The following YTHDC1 variants were observed in gnomAD, a reference collection of about 807,000 sequenced individuals.
YTHDC1 encodes the protein YTH N6-methyladenosine RNA binding protein C1, also known as YTH domain-containing protein 1.
YTHDC1 carries 12 observed loss-of-function variants against 107.0 expected under a neutral mutation model. The observed-to-expected ratio is 0.11, with a 90% CI of 0.07 to 0.18. YTHDC1 has a LOEUF of 0.18. Among genes scored for constraint, YTHDC1 ranks in the 10% least tolerant of loss-of-function variants. YTHDC1 has a pLI of 1.00. For synonymous variants in YTHDC1, 280 were observed against 289.5 expected, an observed-to-expected ratio of 0.97 and a Z score of 0.33; for missense variants, 635 against 898.8, an observed-to-expected ratio of 0.71 and a Z score of 3.75.
At chr4:68,344,740 T>TA (rs1353896861) in intron 1 of YTHDC1, among the ~76,000 whole-genome samples, 2 of 152,062 alleles carry the variant, frequency 1.3e-5, no homozygotes, top group East Asian at 3.9e-4. Context: ...AACAAGGATA[T>TA]AAAAAGAGTA....
rs915643474 is a variant in YTHDC1 at position 68,310,658 on chromosome 4, T to A, written c.*3441A>T. 1 of 152,192 alleles carries A rather than the reference T, an allele frequency of 6.6e-6. No homozygotes were observed. The highest frequency in any genetic ancestry group is 1.5e-5 in the Non-Finnish European group (1 of 68,024). The allele number at this position is 152,192 out of a possible 1,614,324, so 9.4% of individuals were successfully genotyped here. ...GTGTGCCTCAATTTTAATATGTGTT[T>A]CAAACTGCATTTGGAATGTTTCCTA... On this transcript the variant is annotated 3_prime_UTR_variant, in exon 17 of 17. Transcript: ENST00000344157.
intron 10 of YTHDC1, 109 bp from the exon 11 acceptor site, chr4:68,323,024 G>A (rs1722600280): frequency 9.4e-7 from 1 of 1,066,436 alleles, no homozygotes; most frequent in East Asian, 2.5e-5. Context: ...TCTTCCCAAG[G>A]CTGATGATCA....
At chr4:68,323,583 C>T (rs1435974653) in intron 10 of YTHDC1, among the ~76,000 whole-genome samples, 1 of 151,964 alleles carries the variant, frequency 6.6e-6, no homozygotes, top group Non-Finnish European at 1.5e-5. Context: ...AAAAATTAGC[C>T]ACTCTCGTAA....
chr4:68,321,353 G>T (rs1469315173), intron 11 of YTHDC1, among the ~76,000 whole-genome samples: 1 of 152,142 alleles, frequency 6.6e-6, no homozygotes. Context: ...TTAAAAGCTG[G>T]TTTAAAAAAT....
rs181336818 is a variant in YTHDC1, at chr4:68,341,670, C to A, written c.29-3286G>T. On this transcript the variant is annotated intron_variant, in intron 1 of 16. Coordinates refer to ENST00000344157, the MANE Select transcript of YTHDC1 (RefSeq NM_001031732.4). Reference sequence around the variant, plus strand: ...GGCCCTTTACAAAGAGTTTTGCCAACCCCTGATATAATACAAATGACCAAA... The same window carrying A: ...GGCCCTTTACAAAGAGTTTTGCCAAACCCTGATATAATACAAATGACCAAA... Among the ~76,000 whole-genome samples the A allele has an allele frequency of 3.0e-3, 457 of 152,070 alleles. 2 individuals carry two copies. Among genetic ancestry groups the A allele is most frequent in the African/African-American group, 0.01 (435 of 41,474 alleles).
chr4:68,320,133 G>C lies in YTHDC1; in HGVS notation c.1674C>G (p.His558Gln). Residue 558 changes from histidine (H) to glutamine (Q), a missense_variant, in exon 12 of 17, where the codon CAC (histidine) becomes CAG (glutamine). This residue lies in a region of YTHDC1 where 256 missense variants were observed against 372.9 expected (regional missense o/e 0.69). Coordinates refer to ENST00000344157, the MANE Select transcript of YTHDC1 (RefSeq NM_001031732.4). ...TTATAAAATATTAACCTGGTCTCTG[G>C]TGAAACTCAGGGGGATAGTCAATCC... is the stretch of plus-strand genomic sequence containing the variant. ...KPRIDYPPEF[H>Q]QRPGYLKDPR... The C allele has an allele frequency of 6.2e-7, 1 of 1,602,288 alleles. No homozygotes were observed. The highest frequency in any genetic ancestry group is 8.5e-7 in the Non-Finnish European group (1 of 1,175,326).
intron 4 of YTHDC1, among the ~76,000 whole-genome samples, chr4:68,333,976 C>G (rs1723879748): frequency 6.6e-6 from 1 of 152,120 alleles, no homozygotes; most frequent in African/African-American, 2.4e-5. Flanking sequence ...GATTACTGCT[C>G]TTATTTTCAA....
chr4:68,318,255 C>T (rs1344784849), intron 15 of YTHDC1, among the ~76,000 whole-genome samples: 5 of 152,276 alleles, frequency 3.3e-5, no homozygotes. Flanking sequence ...CACGCCACCA[C>T]ACCCAGCTAA....
intron 15 of YTHDC1, 35 bp from the exon 16 acceptor site, chr4:68,316,483 C>T (rs773249063): frequency 6.3e-7 from 1 of 1,598,666 alleles, no homozygotes; most frequent in South Asian, 1.1e-5. Context: ...TAAGAATCTA[C>T]CAACACCCTT....
Position 68,310,845 on chromosome 4 carries a change from A to C in YTHDC1, c.*3254T>G, listed in dbSNP as rs149679852. 50 of 152,312 alleles carry C rather than the reference A, an allele frequency of 3.3e-4. 1 individual carries two copies. The highest frequency in any genetic ancestry group is 1.1e-3 in the African/African-American group (47 of 41,566). The allele number at this position is 152,312 out of a possible 1,614,324, so 9.4% of individuals were successfully genotyped here. A position where few individuals can be genotyped will look rare whatever the true frequency, so the allele number is the denominator to read the frequency against. On this transcript the variant is annotated 3_prime_UTR_variant, in exon 17 of 17. Transcript: ENST00000344157. ...GACTCTTAATGGTTAACATTATGAC[A>C]AGACAGGATGTATGTGACCCTCAGA...
chr4:68,340,576 T>C (rs1376149737), intron 1 of YTHDC1, among the ~76,000 whole-genome samples: 5 of 152,050 alleles, frequency 3.3e-5, no homozygotes, highest in African/African-American at 4.8e-5. Flanking sequence ...AATAGTCTGA[T>C]AGAAGTAAAT....
intron 10 of YTHDC1, among the ~76,000 whole-genome samples, chr4:68,323,571 A>T (rs139199930): frequency 1.3e-5 from 2 of 152,302 alleles, no homozygotes; most frequent in African/African-American, 4.8e-5. Flanking sequence ...GACCGAAAAT[A>T]CAAAAATTAG....
intron 1 of YTHDC1, among the ~76,000 whole-genome samples, chr4:68,341,770 G>C (rs1157718520): frequency 1.3e-5 from 2 of 152,066 alleles, no homozygotes; most frequent in Non-Finnish European, 1.5e-5. Context: ...GAAAAGTCTT[G>C]GAGGTTAAGG....
chr4:68,325,929 A>T (rs1560481792), intron 9 of YTHDC1, among the ~76,000 whole-genome samples: 1 of 151,836 alleles, frequency 6.6e-6, no homozygotes, highest in Non-Finnish European at 1.5e-5. Flanking sequence ...AAAATACTGA[A>T]TTTTTTTTCC....
At chr4:68,338,598 C>G (rs1724486437) in intron 1 of YTHDC1, among the ~76,000 whole-genome samples, 1 of 152,226 alleles carries the variant, frequency 6.6e-6, no homozygotes, top group Non-Finnish European at 1.5e-5. Context: ...TGCCTGCAAT[C>G]CCAGCACTTT....
chr4:68,335,840 T>C (rs531630313), intron 4 of YTHDC1, among the ~76,000 whole-genome samples: 91 of 151,612 alleles, frequency 6.0e-4, no homozygotes, highest in Non-Finnish European at 1.2e-3. Context: ...CTATTCTGTT[T>C]AACTCTACCT....
At chr4:68,325,451 C>T (rs1219478634) in intron 9 of YTHDC1, among the ~76,000 whole-genome samples, 2 of 152,148 alleles carry the variant, frequency 1.3e-5, no homozygotes, top group African/African-American at 4.8e-5. Flanking sequence ...AGAACACAGG[C>T]ATAATGGAAA....
intron 1 of YTHDC1, among the ~76,000 whole-genome samples, chr4:68,345,534 T>G (rs1725312335): frequency 6.6e-6 from 1 of 152,202 alleles, no homozygotes; most frequent in African/African-American, 2.4e-5. Flanking sequence ...TTTTTGTCAT[T>G]GAAAATCGTC....
intron 4 of YTHDC1, among the ~76,000 whole-genome samples, chr4:68,334,875 T>C (rs530066093): frequency 1.8e-4 from 27 of 151,990 alleles, no homozygotes; most frequent in African/African-American, 6.5e-4. Flanking sequence ...ACAAAAACAA[T>C]AATTAAAAAG....
Sources: allele counts gnomAD v4.1 joint callset (sites outside exome capture counted in the v4.1 genomes callset), GRCh38; gene constraint gnomAD v4.1.1; regional missense constraint gnomAD v4.1.1; transcripts MANE v1.5; gene names NCBI Gene and HGNC (gene_info 2026-07-23, HGNC 2026-07-21).